The following TTC28 variants were observed in gnomAD, a reference collection of about 807,000 sequenced individuals.
The protein encoded by TTC28 is tetratricopeptide repeat domain 28.
In TTC28, 61 loss-of-function variants were observed where a neutral mutation model predicts 198.0. That is an observed-to-expected ratio of 0.31 (90% CI 0.25 to 0.38). The LOEUF (loss-of-function observed/expected upper bound fraction) is 0.38. TTC28 is among the 10% of genes least tolerant of loss of function. The pLI is 1.00. For missense variants in TTC28, 2,678 were observed against 3,164.0 expected, an observed-to-expected ratio of 0.85 and a Z score of 3.69; for synonymous variants, 1,171 against 1,297.8, an observed-to-expected ratio of 0.90 and a Z score of 2.10.
At position 28,457,519 on chromosome 22, in the gene TTC28, G is replaced by A. The variant is rs976632143; in HGVS notation, c.382-150876C>T. On this transcript the variant is annotated intron_variant, in intron 2 of 22. Transcript: ENST00000397906. Reference sequence around the variant, plus strand: ...AGAAAACCTCTGCTTTATGAAGCACGGTCATAGCTCATCGACAAGTAACAG... The same window carrying A: ...AGAAAACCTCTGCTTTATGAAGCACAGTCATAGCTCATCGACAAGTAACAG... Among the ~76,000 whole-genome samples, 14 of 152,258 alleles carry A rather than the reference G, an allele frequency of 9.2e-5. No homozygotes were observed. In the East Asian group the frequency reaches 9.6e-4, roughly 10 times the overall value.
chr22:28,421,928 C>T lies in TTC28; in HGVS notation c.382-115285G>A, dbSNP rs202030090. ...CCAGCCTGGTGACAGAGCAAGACTC[C>T]GTCTCAAAAAAAAAAAAAAAAGAAG... is the stretch of plus-strand genomic sequence containing the variant. On this transcript the variant is annotated intron_variant, in intron 2 of 22. Transcript: ENST00000397906. Among the ~76,000 whole-genome samples, 8 of 133,740 alleles carry T rather than the reference C, an allele frequency of 6.0e-5. No individual in the cohort carries two copies. In the East Asian group the frequency reaches 1.7e-3, roughly 28 times the overall value. The allele number at this position is 133,740 out of a possible 152,430, so 87.7% of individuals were successfully genotyped here. A position where few individuals can be genotyped will look rare whatever the true frequency, so the allele number is the denominator to read the frequency against.
intron 6 of TTC28, among the ~76,000 whole-genome samples, chr22:28,138,937 C>A (rs1364450155): frequency 6.6e-6 from 1 of 152,018 alleles, no homozygotes; most frequent in Non-Finnish European, 1.5e-5. Context: ...TCTCAAAATA[C>A]AGATACTTAA....
intron 2 of TTC28, among the ~76,000 whole-genome samples, chr22:28,395,835 C>G (rs1440032121): frequency 6.6e-6 from 1 of 152,056 alleles, no homozygotes; most frequent in Admixed American, 6.5e-5. Flanking sequence ...GTCTAATAAC[C>G]ATTTGGATAT....
chr22:28,527,694 G>A (rs1045807429), intron 2 of TTC28, among the ~76,000 whole-genome samples: 3 of 152,028 alleles, frequency 2.0e-5, no homozygotes, highest in Non-Finnish European at 2.9e-5. Context: ...GGAGTGCAGT[G>A]GCACAAACAC....
At chr22:28,371,069 C>A (rs1407712499) in intron 2 of TTC28, among the ~76,000 whole-genome samples, 1 of 152,144 alleles carries the variant, frequency 6.6e-6, no homozygotes, top group South Asian at 2.1e-4. Flanking sequence ...CTTAGAAACC[C>A]AGGACACACT....
chr22:28,468,481 C>G (rs2048054369), intron 2 of TTC28, among the ~76,000 whole-genome samples: 1 of 151,812 alleles, frequency 6.6e-6, no homozygotes, highest in Non-Finnish European at 1.5e-5. Context: ...TTCTTTCATC[C>G]TTCATTTCTT....
chr22:28,352,628 A>AC (rs1164635523), intron 2 of TTC28, among the ~76,000 whole-genome samples: 1 of 151,718 alleles, frequency 6.6e-6, no homozygotes, highest in Non-Finnish European at 1.5e-5. Context: ...GCCCACTGAT[A>AC]CCCCCTCAGC....
intron 13 of TTC28, among the ~76,000 whole-genome samples, chr22:28,027,090 T>A (rs1298830050): frequency 6.6e-6 from 1 of 152,120 alleles, no homozygotes; most frequent in Non-Finnish European, 1.5e-5. Context: ...ATATCATATA[T>A]ACATACCACA....
intron 5 of TTC28, among the ~76,000 whole-genome samples, chr22:28,242,240 G>T (rs1401452225): frequency 6.6e-6 from 1 of 152,140 alleles, no homozygotes; most frequent in Non-Finnish European, 1.5e-5. Flanking sequence ...AATGGAGTGG[G>T]TGGTACACTT....
chr22:28,622,357 T>C lies in TTC28; in HGVS notation c.381+7195A>G, dbSNP rs147056706. ...ATGTACGGAACAAATTTCAAAGCAGTTCAACAAAACACAAAATATTTGAAC... is the reference window on the plus strand; with the variant it reads ...ATGTACGGAACAAATTTCAAAGCAGCTCAACAAAACACAAAATATTTGAAC... On this transcript the variant is annotated intron_variant, in intron 2 of 22. Coordinates refer to ENST00000397906, the MANE Select transcript of TTC28 (RefSeq NM_001145418.2). Among the ~76,000 whole-genome samples, 1,005 of 152,128 alleles carry C rather than the reference T, an allele frequency of 6.6e-3. 10 individuals carry two copies. Among genetic ancestry groups the C allele is most frequent in the Admixed American group, 0.012 (177 of 15,272 alleles).
intron 2 of TTC28, among the ~76,000 whole-genome samples, chr22:28,533,447 T>C (rs2049189821): frequency 6.6e-6 from 1 of 152,170 alleles, no homozygotes; most frequent in African/African-American, 2.4e-5. Context: ...TGCTCATGGA[T>C]ACGAAGAATC....
intron 2 of TTC28, among the ~76,000 whole-genome samples, chr22:28,394,298 T>C (rs958440105): frequency 2.6e-5 from 4 of 152,224 alleles, no homozygotes; most frequent in African/African-American, 9.6e-5. Context: ...TTTTATTAAA[T>C]ATCTGTTTAT....
rs1937025951 is a variant in TTC28 at position 27,981,622 on chromosome 22, T to C, written c.*599A>G. On this transcript the variant is annotated 3_prime_UTR_variant, in exon 23 of 23. Coordinates refer to ENST00000397906, the MANE Select transcript of TTC28 (RefSeq NM_001145418.2). ...GGAAGCGCTGTTTCAATGTGAATTA[T>C]TGCATTGTTGCTGAGATATTACACT... 2 of 152,178 alleles carry C rather than the reference T, an allele frequency of 1.3e-5. No individual in the cohort carries two copies. Among genetic ancestry groups the C allele is most frequent in the African/African-American group, 2.4e-5 (1 of 41,430 alleles). The allele number at this position is 152,178 out of a possible 1,614,324, so 9.4% of individuals were successfully genotyped here.
chr22:27,989,814 G>T, intron 21 of TTC28, 64 bp downstream of exon 21: 4 of 1,515,386 alleles, frequency 2.6e-6, no homozygotes, highest in Non-Finnish European at 3.6e-6. Context: ...GAAACCAGGA[G>T]GAAAAACAGA....
intron 2 of TTC28, among the ~76,000 whole-genome samples, chr22:28,458,684 A>G (rs1051964897): frequency 2.0e-5 from 3 of 151,846 alleles, no homozygotes; most frequent in Non-Finnish European, 2.9e-5. Flanking sequence ...GATTGAGACC[A>G]TCCTGGCTAA....
intron 2 of TTC28, among the ~76,000 whole-genome samples, chr22:28,439,247 G>T (rs963301563): frequency 6.6e-6 from 1 of 152,162 alleles, no homozygotes; most frequent in Non-Finnish European, 1.5e-5. Context: ...GAGACCAAAA[G>T]ATTACAACCA....
intron 2 of TTC28, among the ~76,000 whole-genome samples, chr22:28,543,453 G>A (rs1241793940): frequency 1.3e-5 from 2 of 150,686 alleles, no homozygotes; most frequent in Non-Finnish European, 1.5e-5. Flanking sequence ...AAGAGGAGGA[G>A]GAGGAGATGA....
At chr22:28,254,522 G>A (rs1930750296) in intron 5 of TTC28, among the ~76,000 whole-genome samples, 1 of 151,748 alleles carries the variant, frequency 6.6e-6, no homozygotes, top group African/African-American at 2.4e-5. Flanking sequence ...TAGATAAGAG[G>A]CTGAAAAGAA....
chr22:28,568,467 GTC>G lies in TTC28; in HGVS notation c.381+61083_381+61084del, dbSNP rs1232409438. Among the ~76,000 whole-genome samples the G allele has an allele frequency of 7.2e-5, 11 of 152,232 alleles. No homozygotes were observed. The East Asian group carries it at 1.5e-3, about 21-fold the overall frequency. On this transcript the variant is annotated intron_variant, in intron 2 of 22. Coordinates refer to ENST00000397906, the MANE Select transcript of TTC28 (RefSeq NM_001145418.2). ...GATGCTATACCCACAAAACCCTGTA[GTC>G]TCTGTCTAAAGGCTCCTAGATCTGA...
Sources: allele counts gnomAD v4.1 joint callset (sites outside exome capture counted in the v4.1 genomes callset), GRCh38; gene constraint gnomAD v4.1.1; transcripts MANE v1.5; gene names NCBI Gene and HGNC (gene_info 2026-07-23, HGNC 2026-07-21).